The following STK32B variants were observed in gnomAD, a reference collection of about 807,000 sequenced individuals.
The protein encoded by STK32B is serine/threonine-protein kinase 32B.
Under a neutral mutation model 52.6 loss-of-function variants are expected in STK32B, and 43 were observed. That is an observed-to-expected ratio of 0.82 (90% confidence interval 0.64 to 1.05). The LOEUF is 1.05. Ranked by LOEUF, STK32B falls within the 50% of genes least tolerant of loss-of-function variation. The pLI is 0.00. For synonymous variants in STK32B, 238 were observed against 204.3 expected, an observed-to-expected ratio of 1.17 and a Z score of -1.41; for missense variants, 621 against 534.6, an observed-to-expected ratio of 1.16 and a Z score of -1.59.
chr4:5,419,248 G>A (rs1233464741), intron 6 of STK32B, among the ~76,000 whole-genome samples: 1 of 152,204 alleles, frequency 6.6e-6, no homozygotes, highest in Non-Finnish European at 1.5e-5. Flanking sequence ...GTTTGGTGAA[G>A]TGTCAAAATC....
intron 7 of STK32B, among the ~76,000 whole-genome samples, chr4:5,451,923 G>T (rs1052754110): frequency 6.6e-6 from 1 of 151,998 alleles, no homozygotes; most frequent in Admixed American, 6.6e-5. Context: ...AGGAACCCTC[G>T]CCCCTTTCAC....
chr4:5,344,512 C>T (rs1166613688), intron 4 of STK32B, among the ~76,000 whole-genome samples: 4 of 152,178 alleles, frequency 2.6e-5, no homozygotes, highest in Admixed American at 6.5e-5. Context: ...TTTTACAAGG[C>T]AGGAACCTTG....
chr4:5,366,021 C>T (rs979722373), intron 4 of STK32B, among the ~76,000 whole-genome samples: 1 of 151,748 alleles, frequency 6.6e-6, no homozygotes, highest in Non-Finnish European at 1.5e-5. Context: ...TTCCTCCTGC[C>T]GTGTATTTAT....
At chr4:5,238,373 TC>T (rs1347325451) in intron 3 of STK32B, among the ~76,000 whole-genome samples, 3 of 152,012 alleles carry the variant, frequency 2.0e-5, no homozygotes, top group African/African-American at 7.2e-5. Flanking sequence ...TCTCCTTTCT[TC>T]TTTTTTTTTT....
At chr4:5,197,954 AG>A (rs1721821452) in intron 3 of STK32B, among the ~76,000 whole-genome samples, 1 of 151,928 alleles carries the variant, frequency 6.6e-6, no homozygotes, top group Non-Finnish European at 1.5e-5. Flanking sequence ...TTTTTTTTCC[AG>A]CAAATAATAA....
chr4:5,364,050 A>G (rs562107795), intron 4 of STK32B, among the ~76,000 whole-genome samples: 2 of 152,248 alleles, frequency 1.3e-5, no homozygotes, highest in Non-Finnish European at 2.9e-5. Context: ...TTGAAAAAAA[A>G]ATCAAACCAT....
chr4:5,121,337 G>C (rs1715013523), intron 1 of STK32B, among the ~76,000 whole-genome samples: 2 of 152,080 alleles, frequency 1.3e-5, no homozygotes, highest in Non-Finnish European at 2.9e-5. Context: ...CATTTAGGTT[G>C]GTTCCATTTC....
At chr4:5,341,713 G>A (rs1327638389) in intron 4 of STK32B, among the ~76,000 whole-genome samples, 2 of 152,158 alleles carry the variant, frequency 1.3e-5, no homozygotes, top group African/African-American at 2.4e-5. Context: ...CGGGCTGCAC[G>A]GGAAGCATGC....
intron 3 of STK32B, among the ~76,000 whole-genome samples, chr4:5,225,899 G>A (rs1218325404): frequency 6.6e-6 from 1 of 152,196 alleles, no homozygotes; most frequent in African/African-American, 2.4e-5. Flanking sequence ...ACAGTGGGAA[G>A]CAGGAGAATT....
intron 4 of STK32B, among the ~76,000 whole-genome samples, chr4:5,352,619 A>T (rs201966204): frequency 0.017 from 2,459 of 146,670 alleles, 65 homozygotes; most frequent in East Asian, 0.096. Flanking sequence ...GAAAGAAATA[A>T]AAAAAAAAAA....
At chr4:5,191,777 C>CA (rs1212682088) in intron 3 of STK32B, among the ~76,000 whole-genome samples, 77 of 151,974 alleles carry the variant, frequency 5.1e-4, no homozygotes, top group Admixed American at 2.3e-3. Flanking sequence ...GTGATCAAAT[C>CA]AAAAAAAGAA....
rs142702102 is a variant in STK32B at position 5,256,280 on chromosome 4, T to C, written c.261-74940T>C. Among the ~76,000 whole-genome samples, 3 of 152,318 alleles carry C rather than the reference T, an allele frequency of 2.0e-5. No individual in the cohort carries two copies. The East Asian group carries it at 5.8e-4, about 29-fold the overall frequency. On this transcript the variant is annotated intron_variant, in intron 3 of 11. Transcript: ENST00000282908. The stretch of plus-strand genomic sequence containing the variant: ...CTTTTAAGCCAGAGACCATCTTTCA[T>C]AGATGTGTGACATTTACTTCACAGA...
In STK32B at chr4:5,225,069, AG is replaced by A. The variant is rs1311163278; in HGVS notation, c.260+56621del. Among the ~76,000 whole-genome samples, 3 of 152,212 alleles carry A rather than the reference AG, an allele frequency of 2.0e-5. No individual in the cohort carries two copies. In the East Asian group the frequency reaches 5.8e-4, roughly 29 times the overall value. On this transcript the variant is annotated intron_variant, in intron 3 of 11. Transcript: ENST00000282908. ...CCTCTTATGCTGTTAAAAATTATTG[AG>A]GACCTCGAAGAGAATGTTTTTGTAG...
At position 5,331,349 on chromosome 4, in the gene STK32B, G is replaced by A. The variant is rs143808952; in HGVS notation, c.390G>A (p.Leu130=). ...CTGTGAAACTCTACATCTGTGAGCT[G>A]GCACTGGCCCTGGAGTATCTTCAGA... ...EGTVKLYICE[L]ALALEYLQRY... is the part of the protein sequence containing the mutation. The change falls in exon 4 of 12, where the codon CTG becomes CTA. Residue 130 remains leucine (L), a synonymous_variant. Coordinates refer to ENST00000282908, the MANE Select transcript of STK32B (RefSeq NM_018401.3). The A allele has an allele frequency of 1.4e-5, 22 of 1,613,692 alleles. No individual in the cohort carries two copies. Among genetic ancestry groups the A allele is most frequent in the Non-Finnish European group, 1.9e-5 (22 of 1,179,856 alleles).
intron 11 of STK32B, among the ~76,000 whole-genome samples, chr4:5,498,001 T>C (rs1480584077): frequency 1.3e-5 from 2 of 152,192 alleles, no homozygotes; most frequent in Admixed American, 1.3e-4. Flanking sequence ...ATTTTACATG[T>C]ATTCTCTATG....
intron 3 of STK32B, among the ~76,000 whole-genome samples, chr4:5,295,348 G>A (rs889561708): frequency 6.6e-6 from 1 of 152,126 alleles, no homozygotes; most frequent in Non-Finnish European, 1.5e-5. Context: ...AGAAGGAATG[G>A]TACCAGTTCC....
chr4:5,384,843 G>C (rs577383639), intron 4 of STK32B, among the ~76,000 whole-genome samples: 2 of 152,304 alleles, frequency 1.3e-5, no homozygotes, highest in East Asian at 1.9e-4. Context: ...GATGTTTGAG[G>C]AGACAGGAGA....
intron 2 of STK32B, among the ~76,000 whole-genome samples, chr4:5,146,070 G>GTTTTTT: frequency 6.8e-6 from 1 of 146,226 alleles, no homozygotes; most frequent in Non-Finnish European, 1.5e-5. Context: ...TTTTTCCCTA[G>GTTTTTT]TATGGACATC....
At chr4:5,156,258 CAT>C (rs59236284) in intron 2 of STK32B, among the ~76,000 whole-genome samples, 4,404 of 151,576 alleles carry the variant, frequency 0.029, 119 homozygotes, top group African/African-American at 0.072. Context: ...ATACAGATAA[CAT>C]ATATAATATA....
Sources: gnomAD v4.1 joint callset for allele counts (sites outside exome capture counted in the v4.1 genomes callset) on GRCh38, gnomAD v4.1.1 for gene constraint, MANE v1.5 for transcripts, NCBI Gene and HGNC (gene_info 2026-07-23, HGNC 2026-07-21) for gene names.